The following EMSY variants were observed in gnomAD, a reference collection of about 807,000 sequenced individuals.
The protein encoded by EMSY is EMSY transcriptional repressor, BRCA2 interacting.
EMSY carries 26 observed loss-of-function variants against 134.6 expected under a neutral mutation model. The observed-to-expected ratio is 0.19, with a 90% CI of 0.14 to 0.27. The LOEUF (loss-of-function observed/expected upper bound fraction) is 0.27. EMSY is among the 10% of genes least tolerant of loss of function. The pLI is 1.00. For synonymous variants in EMSY, 579 were observed against 577.8 expected, an observed-to-expected ratio of 1.00 and a Z score of -0.03; for missense variants, 1,305 against 1,611.4, an observed-to-expected ratio of 0.81 and a Z score of 3.26.
intron 6 of EMSY, among the ~76,000 whole-genome samples, chr11:76,461,705 G>T (rs1590798524): frequency 6.6e-6 from 1 of 152,306 alleles, no homozygotes; most frequent in East Asian, 1.9e-4. Context: ...GCTGAGGTGG[G>T]TGGATCAGTT....
intron 7 of EMSY, among the ~76,000 whole-genome samples, chr11:76,468,327 AC>A (rs1239469613): frequency 2.0e-5 from 3 of 152,294 alleles, no homozygotes; most frequent in South Asian, 2.1e-4. Flanking sequence ...GTTAAAAAAA[AC>A]AAATGTTTAA....
rs780874378 is a variant in EMSY, at chr11:76,454,735, T to C, written c.245+1347T>C. Reference sequence around the variant, plus strand: ...CATTTATTTAGTCTCCTTTTCCTTTTTTCCCCTTTAAAGAATGAATTTATC... The same window carrying C: ...CATTTATTTAGTCTCCTTTTCCTTTCTTCCCCTTTAAAGAATGAATTTATC... On this transcript the variant is annotated intron_variant, in intron 4 of 20. Coordinates refer to ENST00000334736, the Ensembl canonical transcript of EMSY. 2.8e-6 allele frequency: 4 copies of C among 1,446,264 alleles called. No individual in the cohort carries two copies. In the South Asian group the frequency reaches 5.0e-5, roughly 18 times the overall value. The allele number at this position is 1,446,264 out of a possible 1,614,324, so 89.6% of individuals were successfully genotyped here.
At chr11:76,445,510 G>A (rs1947342593) in intron 1 of EMSY, among the ~76,000 whole-genome samples, 1 of 152,164 alleles carries the variant, frequency 6.6e-6, no homozygotes, top group Admixed American at 6.5e-5. Context: ...CGAGAGGTCC[G>A]GGTGAGGAGC....
At chr11:76,523,200 A>G (rs1414262030) in exon 12 of EMSY, 2 of 1,613,778 alleles carry the variant, frequency 1.2e-6, no homozygotes, top group Non-Finnish European at 1.7e-6. Flanking sequence ...TCCAAGCCCA[A>G]CGTGATTGTT....
intron 9 of EMSY, among the ~76,000 whole-genome samples, chr11:76,504,431 T>C (rs1400081716): frequency 1.3e-5 from 2 of 152,072 alleles, no homozygotes; most frequent in African/African-American, 4.8e-5. Context: ...CATGAAAACA[T>C]GCTAAACATC....
chr11:76,493,111 C>A (rs955296471), intron 8 of EMSY, among the ~76,000 whole-genome samples: 3 of 152,142 alleles, frequency 2.0e-5, no homozygotes, highest in Admixed American at 2.0e-4. Flanking sequence ...GCTGCCTGGC[C>A]TCTCCCCGCT....
intron 8 of EMSY, among the ~76,000 whole-genome samples, chr11:76,493,744 G>A (rs1949516875): frequency 6.6e-6 from 1 of 152,214 alleles, no homozygotes; most frequent in South Asian, 2.1e-4. Context: ...GCTCAGTGAA[G>A]CTCCTCTCCG....
intron 12 of EMSY, among the ~76,000 whole-genome samples, chr11:76,523,700 C>CTTTATTTTTT (rs1491439676): frequency 1.6e-5 from 1 of 63,746 alleles, no homozygotes; most frequent in African/African-American, 7.2e-5. Context: ...GGATTTGTTA[C>CTTTATTTTTT]TTTCTTTTTT....
In EMSY at chr11:76,512,416, A is replaced by G. The variant is rs568921903; in HGVS notation, c.1364-970A>G. Among the ~76,000 whole-genome samples the G allele has an allele frequency of 2.6e-5, 4 of 152,282 alleles. No individual in the cohort carries two copies. In the East Asian group the frequency reaches 7.7e-4, roughly 29 times the overall value. ...ATTCTATTTATAGCATTCTGTTTTTAGTAGTGGTATTTCCGTTTACAAAAT... is the reference window on the plus strand; with the variant it reads ...ATTCTATTTATAGCATTCTGTTTTTGGTAGTGGTATTTCCGTTTACAAAAT... On this transcript the variant is annotated intron_variant, in intron 9 of 20. Transcript: ENST00000334736.
intron 12 of EMSY, among the ~76,000 whole-genome samples, chr11:76,525,894 T>C (rs1950828047): frequency 6.6e-6 from 1 of 152,264 alleles, no homozygotes; most frequent in Non-Finnish European, 1.5e-5. Flanking sequence ...TGTTAATACC[T>C]CTGCTGATTT....
chr11:76,546,720 G>T (rs968802337), intron 20 of EMSY, among the ~76,000 whole-genome samples: 1 of 152,204 alleles, frequency 6.6e-6, no homozygotes. Context: ...TTAATTTGGG[G>T]GACCCTTTTC....
At chr11:76,446,335 G>GTGTATATATATA (rs1565263085) in intron 1 of EMSY, among the ~76,000 whole-genome samples, 1 of 53,048 alleles carries the variant, frequency 1.9e-5, no homozygotes, top group African/African-American at 7.5e-5. Context: ...ATATATATAT[G>GTGTATATATATA]TATATATATA....
chr11:76,503,345 A>G (rs1949953405), intron 9 of EMSY, among the ~76,000 whole-genome samples: 1 of 151,672 alleles, frequency 6.6e-6, no homozygotes, highest in South Asian at 2.1e-4. Context: ...AGAGGACTCA[A>G]ATGCTTCCTG....
chr11:76,537,530 C>A (rs774467103), intron 15 of EMSY, among the ~76,000 whole-genome samples: 10 of 152,112 alleles, frequency 6.6e-5, no homozygotes, highest in Non-Finnish European at 1.0e-4. Context: ...GATAAAAATT[C>A]AGTTGTTTGG....
chr11:76,520,007 T>A (rs946009125), intron 11 of EMSY, among the ~76,000 whole-genome samples: 2 of 152,146 alleles, frequency 1.3e-5, no homozygotes, highest in Non-Finnish European at 2.9e-5. Context: ...TTGTATAATT[T>A]TGCTGTAACA....
chr11:76,475,997 T>A (rs1342315303), intron 8 of EMSY, among the ~76,000 whole-genome samples: 1 of 152,226 alleles, frequency 6.6e-6, no homozygotes, highest in Non-Finnish European at 1.5e-5. Context: ...TTAGCAGTCT[T>A]CTCTCTCTTT....
At chr11:76,445,554 G>A (rs905739110) in intron 1 of EMSY, among the ~76,000 whole-genome samples, 11 of 152,122 alleles carry the variant, frequency 7.2e-5, no homozygotes, top group African/African-American at 2.7e-4. Context: ...GTGCTGCTAG[G>A]GAGTGCGTGT....
At chr11:76,447,624 A>G (rs1055345820) in intron 2 of EMSY, among the ~76,000 whole-genome samples, 1 of 152,254 alleles carries the variant, frequency 6.6e-6, no homozygotes, top group African/African-American at 2.4e-5. Flanking sequence ...TTTCTCAACC[A>G]GCATTGAGGG....
At chr11:76,466,113 C>A (rs1316499689) in intron 7 of EMSY, among the ~76,000 whole-genome samples, 1 of 152,182 alleles carries the variant, frequency 6.6e-6, no homozygotes, top group Non-Finnish European at 1.5e-5. Context: ...GTACCTGGCC[C>A]CCCAGATGTG....
Sources: allele counts gnomAD v4.1 joint callset (sites outside exome capture counted in the v4.1 genomes callset), GRCh38; gene constraint gnomAD v4.1.1; transcripts MANE v1.5; gene names NCBI Gene and HGNC (gene_info 2026-07-23, HGNC 2026-07-21).